The following STRN3 variants were observed in gnomAD, a reference collection of about 807,000 sequenced individuals.
STRN3 encodes striatin 3.
Under a neutral mutation model 95.6 loss-of-function variants are expected in STRN3, and 29 were observed. That is an observed-to-expected ratio of 0.30 (90% CI 0.23 to 0.41). STRN3 has a LOEUF of 0.41. STRN3 is among the 10% of genes least tolerant of loss of function. The probability of loss-of-function intolerance (pLI) is 1.00; values close to 1 mark genes in which losing one functional copy is unlikely to be tolerated. For synonymous variants in STRN3, 331 were observed against 357.6 expected, an observed-to-expected ratio of 0.93 and a Z score of 0.84; for missense variants, 890 against 972.1, an observed-to-expected ratio of 0.92 and a Z score of 1.12.
chr14:31,026,164 C>A lies in STRN3; in HGVS notation c.22G>T (p.Gly8Cys), dbSNP rs1883904501. 1 of 1,486,406 alleles carries A rather than the reference C, an allele frequency of 6.7e-7. No homozygotes were observed. The highest frequency in any genetic ancestry group is 8.9e-7 in the Non-Finnish European group (1 of 1,125,632). The allele number at this position is 1,486,406 out of a possible 1,614,324, so 92.1% of individuals were successfully genotyped here. MDELAGG[G>C]GGGPGMAAPP... ...GCCGCCATCCCCGGGCCGCCACCAC[C>A]GCCTCCGGCAAGCTCGTCCATTGTG... The change falls in exon 1 of 18, where the codon GGT (glycine) becomes TGT (cysteine). Residue 8 changes from glycine to cysteine, a missense_variant. Transcript: ENST00000357479.
intron 16 of STRN3, among the ~76,000 whole-genome samples, chr14:30,902,113 G>A (rs1024679073): frequency 1.4e-5 from 2 of 138,348 alleles, no homozygotes; most frequent in East Asian, 2.2e-4. Flanking sequence ...CGAGATTGCA[G>A]TGAGCTGAGA....
intron 5 of STRN3, among the ~76,000 whole-genome samples, chr14:30,943,790 A>G (rs979454261): frequency 6.6e-6 from 1 of 152,176 alleles, no homozygotes; most frequent in Non-Finnish European, 1.5e-5. Context: ...ACAGAAGGAC[A>G]AATATTGCAT....
intron 1 of STRN3, among the ~76,000 whole-genome samples, chr14:31,022,521 A>G (rs1253015216): frequency 6.6e-6 from 1 of 152,094 alleles, no homozygotes; most frequent in Non-Finnish European, 1.5e-5. Flanking sequence ...GAAAAATATA[A>G]GGACACATTA....
At chr14:30,978,800 G>A (rs1328708733) in intron 1 of STRN3, among the ~76,000 whole-genome samples, 1 of 151,978 alleles carries the variant, frequency 6.6e-6, no homozygotes, top group Non-Finnish European at 1.5e-5. Flanking sequence ...TGAGAGGCCA[G>A]GGCAGGCAGA....
chr14:30,962,625 C>T (rs1255225275), intron 1 of STRN3, among the ~76,000 whole-genome samples: 1 of 152,200 alleles, frequency 6.6e-6, no homozygotes, highest in African/African-American at 2.4e-5. Context: ...CCTCAACCTC[C>T]CTAGGTTCAG....
chr14:31,012,175 G>A (rs1043878382), intron 1 of STRN3, among the ~76,000 whole-genome samples: 4 of 152,200 alleles, frequency 2.6e-5, no homozygotes, highest in African/African-American at 9.6e-5. Context: ...GTGTCATATT[G>A]TTACCCTTAT....
intron 9 of STRN3, among the ~76,000 whole-genome samples, chr14:30,916,116 C>T (rs1016059314): frequency 1.2e-4 from 18 of 152,222 alleles, no homozygotes; most frequent in Non-Finnish European, 2.4e-4. Flanking sequence ...ATCACTGTGG[C>T]ATATGGTAAT....
intron 3 of STRN3, among the ~76,000 whole-genome samples, chr14:30,951,820 T>A (rs376463587): frequency 6.6e-6 from 1 of 151,868 alleles, no homozygotes; most frequent in African/African-American, 2.4e-5. Context: ...TTAAAAAAAA[T>A]AATAAAAAGA....
chr14:30,924,145 C>G (rs1158788338), intron 8 of STRN3, among the ~76,000 whole-genome samples: 1 of 143,058 alleles, frequency 7.0e-6, no homozygotes, highest in African/African-American at 2.6e-5. Flanking sequence ...ATGAGAGTAT[C>G]TTTGTTTAAA....
At chr14:30,925,186 A>G (rs1380994814) in intron 8 of STRN3, among the ~76,000 whole-genome samples, 2 of 144,326 alleles carry the variant, frequency 1.4e-5, no homozygotes, top group African/African-American at 5.0e-5. Flanking sequence ...ACGTTCCAAG[A>G]CAAGGCTGTC....
At chr14:31,002,647 G>GA (rs35719624) in intron 1 of STRN3, among the ~76,000 whole-genome samples, 58,068 of 140,816 alleles carry the variant, frequency 0.41, 11,915 homozygotes, top group Non-Finnish European at 0.47. Context: ...TCTCAAAAAA[G>GA]AAAAAAAAAA....
intron 1 of STRN3, among the ~76,000 whole-genome samples, chr14:31,010,545 C>CA (rs1882924023): frequency 2.0e-5 from 3 of 151,724 alleles, no homozygotes; most frequent in South Asian, 2.1e-4. Context: ...ATCCCATCAC[C>CA]AAAAAATCAC....
At chr14:31,004,275 G>T (rs1882614163) in intron 1 of STRN3, among the ~76,000 whole-genome samples, 1 of 151,588 alleles carries the variant, frequency 6.6e-6, no homozygotes, top group Non-Finnish European at 1.5e-5. Flanking sequence ...CTAGGCAACA[G>T]GGTGCAACCC....
chr14:31,021,606 TAAC>T (rs1883509904), intron 1 of STRN3, among the ~76,000 whole-genome samples: 1 of 151,948 alleles, frequency 6.6e-6, no homozygotes, highest in Non-Finnish European at 1.5e-5. Flanking sequence ...CCCCACATAA[TAAC>T]AACTGGGAAC....
chr14:30,975,022 T>C (rs1881021919), intron 1 of STRN3, among the ~76,000 whole-genome samples: 1 of 149,922 alleles, frequency 6.7e-6, no homozygotes, highest in South Asian at 2.1e-4. Context: ...AATATAATAT[T>C]ATGTGAAAGG....
intron 1 of STRN3, among the ~76,000 whole-genome samples, chr14:30,991,261 G>T (rs1881940446): frequency 6.6e-6 from 1 of 152,150 alleles, no homozygotes; most frequent in South Asian, 2.1e-4. Flanking sequence ...AAGAACTTAT[G>T]TTCAACTCTG....
At chr14:30,985,656 T>C (rs1023538334) in intron 1 of STRN3, among the ~76,000 whole-genome samples, 3 of 152,166 alleles carry the variant, frequency 2.0e-5, no homozygotes, top group Admixed American at 6.5e-5. Flanking sequence ...ACATCTCTTA[T>C]ATGGGAAAAT....
intron 1 of STRN3, among the ~76,000 whole-genome samples, chr14:30,988,860 G>C (rs531720296): frequency 1.1e-4 from 17 of 152,264 alleles, no homozygotes; most frequent in African/African-American, 3.1e-4. Flanking sequence ...TTATACCACA[G>C]GAAGTGAATA....
At chr14:30,999,046 C>T (rs979164468) in intron 1 of STRN3, among the ~76,000 whole-genome samples, 17 of 152,162 alleles carry the variant, frequency 1.1e-4, no homozygotes, top group African/African-American at 4.1e-4. Flanking sequence ...TAAGAAAGCC[C>T]AGACACTGAA....
Sources: allele counts gnomAD v4.1 joint callset (sites outside exome capture counted in the v4.1 genomes callset), GRCh38; gene constraint gnomAD v4.1.1; transcripts MANE v1.5; gene names NCBI Gene and HGNC (gene_info 2026-07-23, HGNC 2026-07-21).